The following SYBU variants were observed in gnomAD, a reference collection of about 807,000 sequenced individuals.
The protein encoded by SYBU is syntabulin, also known as GOLSYN A protein.
Under a neutral mutation model 35.9 loss-of-function variants are expected in SYBU, and 21 were observed. That is an observed-to-expected ratio of 0.58 (90% CI 0.41 to 0.84). SYBU has a LOEUF of 0.84. Among genes scored for constraint, SYBU ranks in the 40% least tolerant of loss-of-function variants. The pLI, the probability that SYBU is intolerant of heterozygous loss-of-function variation, is 0.00. For synonymous variants in SYBU, 319 were observed against 324.3 expected, an observed-to-expected ratio of 0.98 and a Z score of 0.18; for missense variants, 768 against 848.2, an observed-to-expected ratio of 0.91 and a Z score of 1.17.
intron 3 of SYBU, among the ~76,000 whole-genome samples, chr8:109,613,633 C>T (rs1037633181): frequency 1.3e-5 from 2 of 152,092 alleles, no homozygotes; most frequent in Non-Finnish European, 2.9e-5. Flanking sequence ...CTCAACTCCC[C>T]TCTAGGTTGT....
intron 2 of SYBU, among the ~76,000 whole-genome samples, chr8:109,628,195 G>T (rs1007432994): frequency 7.9e-5 from 12 of 152,306 alleles, no homozygotes; most frequent in Non-Finnish European, 1.8e-4. Context: ...CAGTTAATAA[G>T]TTAAAAAATA....
At chr8:109,646,727 G>A (rs1026412425), upstream of SYBU, 1 of 152,114 alleles carries the variant, frequency 6.6e-6, no homozygotes, top group African/African-American at 2.4e-5. Context: ...ATTGACACTG[G>A]GGACCTAATA....
At chr8:109,615,997 C>CTTTTTT (rs144362049) in intron 3 of SYBU, among the ~76,000 whole-genome samples, 2 of 96,048 alleles carry the variant, frequency 2.1e-5, no homozygotes, top group African/African-American at 9.7e-5. Flanking sequence ...CTTTTCTTTT[C>CTTTTTT]TTTTCTTTCT....
intron 3 of SYBU, among the ~76,000 whole-genome samples, chr8:109,593,304 T>C (rs1363150354): frequency 2.6e-5 from 4 of 152,058 alleles, no homozygotes; most frequent in Non-Finnish European, 5.9e-5. Flanking sequence ...TGAGCAGAAA[T>C]GAAGACAGAC....
rs1815110619 is a variant in SYBU at position 109,643,069 on chromosome 8, C to T, written c.25-137G>A. 4 of 1,379,276 alleles carry T rather than the reference C, an allele frequency of 2.9e-6. No individual in the cohort carries two copies. The South Asian group carries it at 5.6e-5, about 19-fold the overall frequency. 85.4% of individuals were successfully genotyped at this position (1,379,276 alleles called of 1,614,324 possible). On this transcript the variant is annotated intron_variant, in intron 1 of 6. Transcript: ENST00000276646. ...GTCTTCACAGAGTAGTCCTTCTTAT[C>T]TCAGTTGCTGAAATGAGCTTCAAAA...
At chr8:109,608,637 C>T (rs2844238) in intron 3 of SYBU, among the ~76,000 whole-genome samples, 51,908 of 152,086 alleles carry the variant, frequency 0.34, 10,799 homozygotes, top group African/African-American at 0.58. Context: ...CAAAGCTCTC[C>T]ATTATTTCAG....
At chr8:109,578,210 A>G (rs1281127871) in intron 5 of SYBU, among the ~76,000 whole-genome samples, 193 bp from the exon 6 acceptor site, 1 of 152,178 alleles carries the variant, frequency 6.6e-6, no homozygotes, top group African/African-American at 2.4e-5. Flanking sequence ...GCCTTCATAA[A>G]TGGGATTAAT....
chr8:109,671,623 T>C (rs1474303104), intron 1 of SYBU, among the ~76,000 whole-genome samples: 1 of 152,224 alleles, frequency 6.6e-6, no homozygotes, highest in East Asian at 1.9e-4. Flanking sequence ...TTTTGTTCAA[T>C]GTGTTTCAGA....
intron 2 of SYBU, 31 bp downstream of exon 2, chr8:109,642,697 C>A: frequency 6.6e-7 from 1 of 1,511,504 alleles, no homozygotes; most frequent in Non-Finnish European, 8.9e-7. Context: ...ACACGCTTCA[C>A]GCCTCTGGTG....
chr8:109,613,972 G>T (rs1416588377), intron 3 of SYBU, among the ~76,000 whole-genome samples: 1 of 152,198 alleles, frequency 6.6e-6, no homozygotes, highest in African/African-American at 2.4e-5. Context: ...ATGACAAGGG[G>T]ATACTAACTT....
intron 3 of SYBU, among the ~76,000 whole-genome samples, chr8:109,598,037 T>G (rs1825093251): frequency 6.6e-6 from 1 of 152,174 alleles, no homozygotes; most frequent in Non-Finnish European, 1.5e-5. Context: ...GGTGACATTC[T>G]GTAAGATTAA....
chr8:109,645,157 G>T (rs773744546), upstream of SYBU: 1 of 458,224 alleles, frequency 2.2e-6, no homozygotes, highest in Non-Finnish European at 4.4e-6. Flanking sequence ...ACTGAGAAAA[G>T]CTGCGACATC....
intron 3 of SYBU, among the ~76,000 whole-genome samples, chr8:109,589,261 G>A (rs184707630): frequency 1.2e-4 from 19 of 152,304 alleles, no homozygotes; most frequent in Middle Eastern, 6.8e-3. Flanking sequence ...CCCATATTAG[G>A]TGGAAAGTTT....
chr8:109,647,680 A>G (rs1474925576), upstream of SYBU: 1 of 152,198 alleles, frequency 6.6e-6, no homozygotes, highest in Admixed American at 6.5e-5. Context: ...CATAGATACA[A>G]CTTGTTTTGA....
chr8:109,666,499 G>C (rs1173000601), intron 1 of SYBU, among the ~76,000 whole-genome samples: 5 of 152,132 alleles, frequency 3.3e-5, no homozygotes, highest in African/African-American at 1.2e-4. Flanking sequence ...CCAGAACTTT[G>C]ACAGGCCAAG....
intron 1 of SYBU, among the ~76,000 whole-genome samples, chr8:109,662,009 C>G (rs1442183606): frequency 3.3e-5 from 5 of 152,156 alleles, no homozygotes; most frequent in Non-Finnish European, 7.3e-5. Context: ...TGCTGTTATC[C>G]CAAACCCAAA....
upstream of SYBU, among the ~76,000 whole-genome samples, chr8:109,684,849 T>A (rs887578129): frequency 2.0e-5 from 3 of 152,176 alleles, no homozygotes; most frequent in African/African-American, 7.2e-5. Context: ...CTTTTCCCCA[T>A]GAATAAATTT....
At chr8:109,576,055 A>AC in intron 6 of SYBU, 42 bp from the exon 7 acceptor site, 2 of 1,495,732 alleles carry the variant, frequency 1.3e-6, no homozygotes, top group Non-Finnish European at 1.8e-6. Flanking sequence ...AAAAAAAAAA[A>AC]AAAAAAAAAA....
At chr8:109,613,508 G>A (rs1473183680) in intron 3 of SYBU, among the ~76,000 whole-genome samples, 1 of 152,072 alleles carries the variant, frequency 6.6e-6, no homozygotes, top group African/African-American at 2.4e-5. Flanking sequence ...CTGGACTCTA[G>A]AGCCTAGTGG....
Sources: gnomAD v4.1 joint callset for allele counts (sites outside exome capture counted in the v4.1 genomes callset) on GRCh38, gnomAD v4.1.1 for gene constraint, MANE v1.5 for transcripts, NCBI Gene and HGNC (gene_info 2026-07-23, HGNC 2026-07-21) for gene names.